Variants in MFHAS1 observed in about 807,000 individuals in gnomAD.
MFHAS1 encodes the protein multifunctional ROCO family signaling regulator 1, also known as malignant fibrous histiocytoma-amplified sequence 1.
Under a neutral mutation model 70.4 loss-of-function variants are expected in MFHAS1, and 50 were observed. That is an observed-to-expected ratio of 0.71 (90% CI 0.57 to 0.90). MFHAS1 has a LOEUF of 0.90. MFHAS1 is among the 40% of genes least tolerant of loss of function. The pLI is 0.00. For missense variants in MFHAS1, 1,795 were observed against 1,347.6 expected (o/e 1.33, Z -5.20); for synonymous variants, 952 against 620.0 (o/e 1.54, Z -7.96).
At chr8:8,830,412 C>T (rs1807342136) in intron 1 of MFHAS1, among the ~76,000 whole-genome samples, 1 of 152,156 alleles carries the variant, frequency 6.6e-6, no homozygotes, top group South Asian at 2.1e-4. Context: ...TATTTTAAAA[C>T]CTGAATCAGG....
intron 1 of MFHAS1, among the ~76,000 whole-genome samples, chr8:8,834,862 C>A (rs1807540117): frequency 6.6e-6 from 1 of 152,172 alleles, no homozygotes; most frequent in Non-Finnish European, 1.5e-5. Context: ...CACAGACATG[C>A]CACTGGATAT....
At chr8:8,791,367 A>G (rs1805714226) in intron 2 of MFHAS1, among the ~76,000 whole-genome samples, 1 of 152,168 alleles carries the variant, frequency 6.6e-6, no homozygotes, top group Admixed American at 6.5e-5. Flanking sequence ...CATTCCAGTA[A>G]TGCCTCAAGG....
intron 1 of MFHAS1, among the ~76,000 whole-genome samples, chr8:8,819,477 T>C (rs1324973103): frequency 2.6e-5 from 4 of 151,496 alleles, no homozygotes; most frequent in Admixed American, 6.6e-5. Context: ...TGGTGGCGGG[T>C]GCCTGCAGTC....
chr8:8,825,721 C>T (rs915501418), intron 1 of MFHAS1, among the ~76,000 whole-genome samples: 2 of 152,102 alleles, frequency 1.3e-5, no homozygotes, highest in African/African-American at 4.8e-5. Flanking sequence ...CTTTAAAGAC[C>T]CTAACTCCAA....
intron 1 of MFHAS1, among the ~76,000 whole-genome samples, chr8:8,846,023 C>T (rs892089334): frequency 6.6e-6 from 1 of 152,014 alleles, no homozygotes; most frequent in African/African-American, 2.4e-5. Flanking sequence ...GAGGCCAAGG[C>T]AGGCGGATCA....
At chr8:8,824,060 G>C (rs1157565649) in intron 1 of MFHAS1, among the ~76,000 whole-genome samples, 2 of 150,536 alleles carry the variant, frequency 1.3e-5, no homozygotes, top group Admixed American at 6.6e-5. Flanking sequence ...TTCCCCCTAG[G>C]AGCTCAGGCT....
chr8:8,846,039 G>A (rs1373907756), intron 1 of MFHAS1, among the ~76,000 whole-genome samples: 1 of 151,964 alleles, frequency 6.6e-6, no homozygotes, highest in East Asian at 1.9e-4. Context: ...GATCACTTGA[G>A]GTCAGGAGGT....
intron 2 of MFHAS1, 133 bp from the exon 3 acceptor site, chr8:8,786,188 T>C: frequency 1.2e-6 from 1 of 834,008 alleles, no homozygotes; most frequent in East Asian, 2.5e-5. Flanking sequence ...CCAGGACTCA[T>C]TATAAACATG....
At chr8:8,876,276 A>G (rs1809290460) in intron 1 of MFHAS1, among the ~76,000 whole-genome samples, 1 of 152,184 alleles carries the variant, frequency 6.6e-6, no homozygotes, top group Non-Finnish European at 1.5e-5. Context: ...ACTACACAAA[A>G]TCCCAACTGT....
chr8:8,834,194 G>A (rs1276993346), intron 1 of MFHAS1, among the ~76,000 whole-genome samples: 1 of 152,096 alleles, frequency 6.6e-6, no homozygotes, highest in Non-Finnish European at 1.5e-5. Flanking sequence ...GTCACATGCA[G>A]CATAATGACA....
chr8:8,837,187 T>C (rs1248652659), intron 1 of MFHAS1, among the ~76,000 whole-genome samples: 3 of 152,214 alleles, frequency 2.0e-5, no homozygotes, highest in East Asian at 3.8e-4. Flanking sequence ...GAAATGATGA[T>C]ACAAATGTTC....
Position 8,893,439 on chromosome 8 carries a change from C to G in MFHAS1, c.-381G>C, listed in dbSNP as rs992094061. The stretch of plus-strand genomic sequence containing the variant: ...CTCGCAGCCGCGGTCCCGCGGCCGG[C>G]AGCGGCGTCGCCTCCTCGAGCTCCT... On this transcript the variant is annotated 5_prime_UTR_variant, in exon 1 of 3. Transcript: ENST00000276282. The G allele has an allele frequency of 2.1e-5, 3 of 145,974 alleles. No homozygotes were observed. Among genetic ancestry groups the G allele is most frequent in the Admixed American group, 2.0e-4 (3 of 14,764 alleles). The allele number at this position is 145,974 out of a possible 1,614,324, so 9.0% of individuals were successfully genotyped here. A position where few individuals can be genotyped will look rare whatever the true frequency, so the allele number is the denominator to read the frequency against.
chr8:8,811,336 C>A (rs1292360101), intron 1 of MFHAS1, among the ~76,000 whole-genome samples: 1 of 151,104 alleles, frequency 6.6e-6, no homozygotes, highest in African/African-American at 2.4e-5. Context: ...GAGATAGGGT[C>A]TTGCGCTGTC....
intron 1 of MFHAS1, among the ~76,000 whole-genome samples, chr8:8,810,452 C>T (rs912046696): frequency 1.3e-5 from 2 of 152,220 alleles, no homozygotes; most frequent in Non-Finnish European, 1.5e-5. Flanking sequence ...AGGAAATTTT[C>T]TTCCACTTCT....
intron 1 of MFHAS1, among the ~76,000 whole-genome samples, chr8:8,839,916 A>C (rs1021060478): frequency 6.6e-6 from 1 of 152,178 alleles, no homozygotes; most frequent in African/African-American, 2.4e-5. Flanking sequence ...CTTTAATAGC[A>C]AGTCAAGATA....
chr8:8,836,391 T>G (rs1278893436), intron 1 of MFHAS1, among the ~76,000 whole-genome samples: 2 of 152,164 alleles, frequency 1.3e-5, no homozygotes, highest in Admixed American at 1.3e-4. Context: ...TTTGTTTTGT[T>G]TTTTAGAGAC....
intron 1 of MFHAS1, among the ~76,000 whole-genome samples, chr8:8,853,387 C>G (rs1231346923): frequency 6.7e-6 from 1 of 149,070 alleles, no homozygotes; most frequent in Admixed American, 6.8e-5. Context: ...GGATCTGACT[C>G]GTAATTACAG....
chr8:8,855,111 T>C (rs960120819), intron 1 of MFHAS1, among the ~76,000 whole-genome samples: 1 of 152,060 alleles, frequency 6.6e-6, no homozygotes, highest in Admixed American at 6.5e-5. Flanking sequence ...ACCCCCAGCA[T>C]ACCAAAATTA....
chr8:8,843,079 C>A (rs1807896223), intron 1 of MFHAS1, among the ~76,000 whole-genome samples: 1 of 150,902 alleles, frequency 6.6e-6, no homozygotes, highest in African/African-American at 2.5e-5. Flanking sequence ...TCCTGGCTAA[C>A]AAGGTGAAAC....
Sources: allele counts gnomAD v4.1 joint callset (sites outside exome capture counted in the v4.1 genomes callset), GRCh38; gene constraint gnomAD v4.1.1; transcripts MANE v1.5; gene names NCBI Gene and HGNC (gene_info 2026-07-23, HGNC 2026-07-21).